Variants in SGCZ observed in about 807,000 individuals in gnomAD.
SGCZ encodes zeta-sarcoglycan.
Under a neutral mutation model 41.3 loss-of-function variants are expected in SGCZ, and 40 were observed. The ratio of observed to expected loss-of-function variants is 0.97; its 90% confidence interval spans 0.75 to 1.26. SGCZ has a LOEUF of 1.26. SGCZ is among the 50% of genes most tolerant of loss of function. The probability of loss-of-function intolerance (pLI) is 0.00; values close to 1 mark genes in which losing one functional copy is unlikely to be tolerated. For missense variants in SGCZ, 552 were observed against 369.8 expected (o/e 1.49, Z -4.04); for synonymous variants, 206 against 137.5 (o/e 1.50, Z -3.49).
chr8:15,132,041 T>C (rs1807925885), intron 1 of SGCZ, among the ~76,000 whole-genome samples: 1 of 152,230 alleles, frequency 6.6e-6, no homozygotes, highest in Admixed American at 6.5e-5. Context: ...CATAATTCTT[T>C]CAATGCATTG....
intron 4 of SGCZ, among the ~76,000 whole-genome samples, chr8:14,234,527 G>A (rs902279849): frequency 6.6e-6 from 1 of 151,998 alleles, no homozygotes; most frequent in Non-Finnish European, 1.5e-5. Context: ...TCTATTGGTA[G>A]ACAATAGAAT....
At chr8:14,818,334 C>G (rs1032745544) in intron 1 of SGCZ, among the ~76,000 whole-genome samples, 1 of 152,190 alleles carries the variant, frequency 6.6e-6, no homozygotes, top group African/African-American at 2.4e-5. Flanking sequence ...ACAAACTGTA[C>G]AGCCTACCCA....
At chr8:15,227,851 C>G (rs369975864) in intron 1 of SGCZ, among the ~76,000 whole-genome samples, 18 of 152,046 alleles carry the variant, frequency 1.2e-4, no homozygotes, top group African/African-American at 4.3e-4. Context: ...ACTGAGAAGA[C>G]AAAAAATTAC....
chr8:14,694,354 C>T (rs1298279471), intron 1 of SGCZ, among the ~76,000 whole-genome samples: 4 of 152,118 alleles, frequency 2.6e-5, no homozygotes, highest in Admixed American at 6.5e-5. Flanking sequence ...ATCTATTTTT[C>T]TGGGATATTT....
At chr8:14,213,887 G>C (rs1805902638) in intron 4 of SGCZ, among the ~76,000 whole-genome samples, 1 of 152,086 alleles carries the variant, frequency 6.6e-6, no homozygotes, top group African/African-American at 2.4e-5. Context: ...GTACATACTA[G>C]TTTTATAATA....
intron 1 of SGCZ, among the ~76,000 whole-genome samples, chr8:15,101,616 C>A (rs1049684602): frequency 1.3e-5 from 2 of 152,104 alleles, no homozygotes; most frequent in African/African-American, 4.8e-5. Flanking sequence ...AATTCTCATT[C>A]ACTGCTAGAG....
chr8:14,658,913 G>A (rs576823149), intron 1 of SGCZ, among the ~76,000 whole-genome samples: 2 of 151,884 alleles, frequency 1.3e-5, no homozygotes, highest in African/African-American at 4.8e-5. Flanking sequence ...GGAAAGGAAG[G>A]AGGGAAGGGA....
chr8:14,804,776 G>T (rs903411154), intron 1 of SGCZ, among the ~76,000 whole-genome samples: 4 of 94,728 alleles, frequency 4.2e-5, no homozygotes, highest in Non-Finnish European at 8.9e-5. Flanking sequence ...ACACATAATT[G>T]TCAGATTCAC....
chr8:15,206,452 C>CTTTTTT (rs3069943), intron 1 of SGCZ, among the ~76,000 whole-genome samples: 5 of 144,376 alleles, frequency 3.5e-5, no homozygotes, highest in Non-Finnish European at 4.5e-5. Flanking sequence ...TCTGGGGAGT[C>CTTTTTT]TTTTTTTTTT....
chr8:14,455,098 G>A (rs533411529), intron 2 of SGCZ, among the ~76,000 whole-genome samples: 9 of 152,104 alleles, frequency 5.9e-5, no homozygotes, highest in Admixed American at 4.6e-4. Context: ...CTTAATAAGA[G>A]GGAGAAAATA....
chr8:14,311,733 T>C (rs1019762758), intron 3 of SGCZ, among the ~76,000 whole-genome samples: 6 of 152,202 alleles, frequency 3.9e-5, no homozygotes, highest in African/African-American at 7.2e-5. Context: ...AGATTTAATT[T>C]GTATTCTTTG....
intron 1 of SGCZ, among the ~76,000 whole-genome samples, chr8:15,003,317 A>T (rs1470652181): frequency 1.3e-5 from 2 of 152,020 alleles, no homozygotes; most frequent in African/African-American, 4.8e-5. Flanking sequence ...TGAGTCAATT[A>T]AACCTCTTTT....
intron 1 of SGCZ, among the ~76,000 whole-genome samples, chr8:15,022,845 C>G (rs549520935): frequency 2.6e-5 from 4 of 152,284 alleles, no homozygotes; most frequent in South Asian, 4.1e-4. Context: ...GCAAGAATTA[C>G]TATTTTCTAC....
intron 5 of SGCZ, among the ~76,000 whole-genome samples, chr8:14,121,494 T>G (rs1802694798): frequency 1.3e-5 from 2 of 152,182 alleles, no homozygotes; most frequent in African/African-American, 4.8e-5. Flanking sequence ...ATGTGATATC[T>G]TACCACACTT....
Position 14,859,245 on chromosome 8 carries a change from C to T in SGCZ, c.40-304319G>A, listed in dbSNP as rs888486298. ...TCAATAAAAGCAGTCTTTATCACTG[C>T]TTTATCAAGGATATTCTCAAGCTCT... is the stretch of plus-strand genomic sequence containing the variant. On this transcript the variant is annotated intron_variant, in intron 1 of 7. Coordinates refer to ENST00000382080, the MANE Select transcript of SGCZ (RefSeq NM_139167.4). Among the ~76,000 whole-genome samples, 9 of 152,062 alleles carry T rather than the reference C, an allele frequency of 5.9e-5. No individual in the cohort carries two copies. The East Asian group carries it at 1.7e-3, about 29-fold the overall frequency.
At chr8:14,752,132 C>CCCA in intron 1 of SGCZ, among the ~76,000 whole-genome samples, 1 of 117,762 alleles carries the variant, frequency 8.5e-6, no homozygotes, top group South Asian at 2.9e-4. Flanking sequence ...ACAAAAAAGC[C>CCCA]AAAAAAAAAA....
rs565514301 is a variant in SGCZ at position 14,193,626 on chromosome 8, A to C, written c.425-28924T>G. ...TTGTATTCTAAATGTAAATGTGGCC[A>C]TGAAAACTTTCCACTGTTCTTTGTT... On this transcript the variant is annotated intron_variant, in intron 4 of 7. Coordinates refer to ENST00000382080, the MANE Select transcript of SGCZ (RefSeq NM_139167.4). 7.9e-5 allele frequency among the ~76,000 whole-genome samples: 12 copies of C among 152,220 alleles called. No homozygotes were observed. The South Asian group carries it at 1.2e-3, about 16-fold the overall frequency.
intron 5 of SGCZ, among the ~76,000 whole-genome samples, chr8:14,110,353 A>T (rs962896887): frequency 9.2e-5 from 14 of 152,280 alleles, no homozygotes; most frequent in African/African-American, 3.4e-4. Context: ...ATAATTAAAC[A>T]TCGGTAATAT....
At chr8:14,732,595 G>A (rs567904469) in intron 1 of SGCZ, among the ~76,000 whole-genome samples, 15 of 152,256 alleles carry the variant, frequency 9.9e-5, no homozygotes, top group African/African-American at 3.6e-4. Flanking sequence ...AATCAGCAAA[G>A]CATGGAAACA....
Sources: gnomAD v4.1 joint callset for allele counts (sites outside exome capture counted in the v4.1 genomes callset) on GRCh38, gnomAD v4.1.1 for gene constraint, MANE v1.5 for transcripts, NCBI Gene and HGNC (gene_info 2026-07-23, HGNC 2026-07-21) for gene names.